Variants in SGCA observed in about 807,000 individuals in gnomAD.
SGCA encodes the protein alpha-sarcoglycan.
A neutral mutation model predicts 38.1 loss-of-function variants in SGCA; 34 were observed. The ratio of observed to expected loss-of-function variants is 0.89; its 90% CI spans 0.68 to 1.19. SGCA has a LOEUF of 1.19. SGCA is among the 50% of genes most tolerant of loss of function. The probability of loss-of-function intolerance (pLI) is 0.00; values close to 1 mark genes in which losing one functional copy is unlikely to be tolerated. For missense variants in SGCA, 476 were observed against 524.9 expected, an observed-to-expected ratio of 0.91 and a Z score of 0.91; for synonymous variants, 209 against 214.6, an observed-to-expected ratio of 0.97 and a Z score of 0.23.
At chr17:50,172,320 T>C (rs1477467072) in intron 8 of SGCA, 2 of 453,280 alleles carry the variant, frequency 4.4e-6, no homozygotes, top group South Asian at 3.1e-5. Flanking sequence ...AGTGGCCCCA[T>C]TGTTTCCTCC....
Position 50,166,231 on chromosome 17 carries a change from TG to T in SGCA, c.37+158del, listed in dbSNP as rs1395510155. On this transcript the variant is annotated intron_variant, in intron 1 of 9. Transcript: ENST00000262018. ...TTGGGGTGTTAATGCCATGGCCAGC[TG>T]GGGATCCAGGGAATGGGGCTGGGAG... The T allele has an allele frequency of 5.7e-6, 4 of 696,830 alleles. No homozygotes were observed. In the African/African-American group the frequency reaches 7.0e-5, roughly 12 times the overall value. The allele number at this position is 696,830 out of a possible 1,614,324, so 43.2% of individuals were successfully genotyped here. A position where few individuals can be genotyped will look rare whatever the true frequency, so the allele number is the denominator to read the frequency against.
chr17:50,171,772 A>G (rs1025625181), intron 8 of SGCA: 13 of 456,624 alleles, frequency 2.8e-5, no homozygotes, highest in Non-Finnish European at 5.7e-5. Flanking sequence ...AGTGATAGGC[A>G]TTTCGGGCCA....
chr17:50,169,626 C>T, intron 6 of SGCA: 1 of 333,818 alleles, frequency 3.0e-6, no homozygotes, highest in Non-Finnish European at 5.6e-6. Context: ...CTGTAAGGTG[C>T]CACCTAGCAA....
intron 6 of SGCA, chr17:50,169,591 C>T (rs1905213455): frequency 5.4e-6 from 2 of 367,968 alleles, no homozygotes; most frequent in Non-Finnish European, 1.0e-5. Context: ...CCAAGGGCCT[C>T]TGCGTGACAG....
chr17:50,171,370 T>C, intron 8 of SGCA: 1 of 375,850 alleles, frequency 2.7e-6, no homozygotes, highest in South Asian at 2.0e-5. Flanking sequence ...CCCTCCTATG[T>C]GCCCCCAGCC....
In SGCA at chr17:50,175,370, A is replaced by G; in HGVS notation, c.1097A>G (p.His366Arg). ...PLSTLPMFNVHTGERLPPRVD... is the reference protein window; with the variant it reads ...PLSTLPMFNVRTGERLPPRVD... ...TCCACCCTGCCCATGTTCAATGTGCACACAGGTGAGCGGCTGCCTCCCCGC... is the reference window on the plus strand; with the variant it reads ...TCCACCCTGCCCATGTTCAATGTGCGCACAGGTGAGCGGCTGCCTCCCCGC... Residue 366 changes from histidine (H) to arginine (R), a missense_variant, in exon 9 of 10, where the codon CAC becomes CGC. His to Arg is a conservative substitution (Grantham distance 29, BLOSUM62 0). Coordinates refer to ENST00000262018, the MANE Select transcript of SGCA (RefSeq NM_000023.4). 1.9e-6 allele frequency: 3 copies of G among 1,612,988 alleles called. No individual in the cohort carries two copies. Among genetic ancestry groups the G allele is most frequent in the Non-Finnish European group, 2.5e-6 (3 of 1,179,972 alleles).
At chr17:50,170,005 T>C in intron 6 of SGCA, 138 bp from the exon 7 acceptor site, 1 of 734,444 alleles carries the variant, frequency 1.4e-6, no homozygotes, top group Admixed American at 2.0e-5. Flanking sequence ...ACCCTAGAGC[T>C]GTGCGCTAAC....
rs1905015392 is a variant in SGCA at position 50,167,586 on chromosome 17, C to T, written c.162C>T (p.Val54=). 1.2e-6 allele frequency: 2 copies of T among 1,613,460 alleles called. No homozygotes were observed. Among genetic ancestry groups the T allele is most frequent in the South Asian group, 1.1e-5 (1 of 91,080 alleles). The stretch of plus-strand genomic sequence containing the variant: ...CCCTCTCCTCGCTTCCACCAGCTGT[C>T]CCACCCGCTGTCCACATCACCTACC... The part of the protein sequence containing the change: ...TFLSLPEHVA[V]PPAVHITYHA... Residue 54 remains valine (V), a synonymous_variant, in exon 3 of 10, where the codon GTC becomes GTT. Coordinates refer to ENST00000262018, the MANE Select transcript of SGCA (RefSeq NM_000023.4). This position sits in a 1 kb window ranked among gnomAD's most constrained non-coding sequence, Gnocchi z 4.5.
chr17:50,167,570 C>G lies in SGCA; in HGVS notation c.158-12C>G, dbSNP rs377120535. On this transcript the variant is annotated splice_polypyrimidine_tract_variant and intron_variant, in intron 2 of 9. Transcript: ENST00000262018. This position sits in a 1 kb window ranked among gnomAD's most constrained non-coding sequence, Gnocchi z 4.5. ...TGCTGTGACTCGAATCCCCTCTCCT[C>G]GCTTCCACCAGCTGTCCCACCCGCT... is the stretch of plus-strand genomic sequence containing the variant. The G allele has an allele frequency of 3.7e-6, 6 of 1,613,566 alleles. No homozygotes were observed. Among genetic ancestry groups the G allele is most frequent in the East Asian group, 2.2e-5 (1 of 44,882 alleles).
At chr17:50,174,145 A>T (rs2696290) in intron 8 of SGCA, among the ~76,000 whole-genome samples, 7 of 151,914 alleles carry the variant, frequency 4.6e-5, no homozygotes. Context: ...ATAGTAAGAC[A>T]CCTGTCTCTA....
chr17:50,175,674 A>C, intron 9 of SGCA, 38 bp from the exon 10 acceptor site: 1 of 678,834 alleles, frequency 1.5e-6, no homozygotes, highest in Non-Finnish European at 2.7e-6. Flanking sequence ...GAGAACCAGC[A>C]TCTGGCCCTC....
In SGCA at chr17:50,167,517, C is replaced by T. The variant is rs199804045; in HGVS notation, c.157+30C>T. On this transcript the variant is annotated intron_variant, in intron 2 of 9. Transcript: ENST00000262018. This position sits in a 1 kb window ranked among gnomAD's most constrained non-coding sequence, Gnocchi z 4.5. ...GCGGCCTGACAGGCACCCAGGCGGG[C>T]GGGCTGGGGTGTACCCCGCAGGGCT... The T allele has an allele frequency of 6.2e-6, 10 of 1,613,990 alleles. No homozygotes were observed. The highest frequency in any genetic ancestry group is 4.0e-5 in the African/African-American group (3 of 74,922).
At chr17:50,168,832 TA>T (rs895211311) in intron 5 of SGCA, among the ~76,000 whole-genome samples, 6 of 152,016 alleles carry the variant, frequency 3.9e-5, no homozygotes, top group Admixed American at 3.9e-4. Flanking sequence ...AGACATTCCT[TA>T]GTAGGGAGGG....
Position 50,171,335 on chromosome 17 carries a change from T to C in SGCA, c.983+669T>C, listed in dbSNP as rs1009955576. The C allele has an allele frequency of 4.2e-4, 149 of 357,106 alleles. 2 individuals carry two copies. The Admixed American group carries it at 5.6e-3, about 13-fold the overall frequency. 22.1% of individuals were successfully genotyped at this position (357,106 alleles called of 1,614,324 possible). ...AAATCCTTCCTCTCTTATTTTGGCCTGGTTTCCCCTACTCATGGCCTTACC... is the reference window on the plus strand; with the variant it reads ...AAATCCTTCCTCTCTTATTTTGGCCCGGTTTCCCCTACTCATGGCCTTACC... On this transcript the variant is annotated intron_variant, in intron 8 of 9. Coordinates refer to ENST00000262018, the MANE Select transcript of SGCA (RefSeq NM_000023.4).
rs776214016 is a variant in SGCA at position 50,168,531 on chromosome 17, T to A, written c.543T>A (p.Arg181=). The A allele has an allele frequency of 5.1e-6, 8 of 1,576,090 alleles. No homozygotes were observed. In the South Asian group the frequency reaches 5.8e-5, roughly 11 times the overall value. Residue 181 remains arginine (R), a synonymous_variant, in exon 5 of 10, where the codon CGT becomes CGA. Transcript: ENST00000262018. ...TCAACGTCACCTCTGCCTTGGACCG[T>A]GGGGGCCGTGTCCCCCTTCCCATTG... The part of the protein sequence containing the change: ...QLLNVTSALD[R]GGRVPLPIEG...
Position 50,171,348 on chromosome 17 carries a change from T to A in SGCA, c.983+682T>A, listed in dbSNP as rs556486999. The A allele has an allele frequency of 2.9e-3, 1,048 of 366,224 alleles. 1 individual carries two copies. Among genetic ancestry groups the A allele is most frequent in the Middle Eastern group, 4.2e-3 (11 of 2,636 alleles). 22.7% of individuals were successfully genotyped at this position (366,224 alleles called of 1,614,324 possible). A position where few individuals can be genotyped will look rare whatever the true frequency, so the allele number is the denominator to read the frequency against. On this transcript the variant is annotated intron_variant, in intron 8 of 9. Transcript: ENST00000262018. ...CTTATTTTGGCCTGGTTTCCCCTACTCATGGCCTTACCCCTCCTATGTGCC... is the reference window on the plus strand; with the variant it reads ...CTTATTTTGGCCTGGTTTCCCCTACACATGGCCTTACCCCTCCTATGTGCC...
At position 50,175,351 on chromosome 17, in the gene SGCA, C is replaced by T; in HGVS notation, c.1078C>T (p.Leu360=). ...SREVPRPLST[L]PMFNVHTGER... ...CGAGGTGCCCCGGCCACTCTCCACC[C>T]TGCCCATGTTCAATGTGCACACAGG... is the stretch of plus-strand genomic sequence containing the variant. The change falls in exon 9 of 10, where the codon CTG becomes TTG. Residue 360 remains leucine (L), a synonymous_variant. Coordinates refer to ENST00000262018, the MANE Select transcript of SGCA (RefSeq NM_000023.4). 1 of 1,612,582 alleles carries T rather than the reference C, an allele frequency of 6.2e-7. No homozygotes were observed. The highest frequency in any genetic ancestry group is 1.1e-5 in the South Asian group (1 of 90,886).
intron 8 of SGCA, chr17:50,171,484 A>G (rs1366212397): frequency 2.2e-6 from 1 of 456,464 alleles, no homozygotes; most frequent in South Asian, 1.5e-5. Context: ...CGGTCTTGGC[A>G]CCCCTGACTG....
rs1420627839 is a variant in SGCA, at chr17:50,168,437, C to T, written c.449C>T (p.Pro150Leu). 1.3e-6 allele frequency: 2 copies of T among 1,590,404 alleles called. No individual in the cohort carries two copies. The highest frequency in any genetic ancestry group is 2.3e-5 in the East Asian group (1 of 43,944). Residue 150 changes from proline to leucine, a missense_variant, in exon 5 of 10, where the codon CCC becomes CTC. Transcript: ENST00000262018. ...AGCCACGATGCGGAGGAGGTGCTGC[C>T]CTCAACACCTGCCAGCCGCTTCCTC... ...VRSHDAEEVL[P>L]STPASRFLSA... is the part of the protein sequence containing the mutation.
Sources: allele counts gnomAD v4.1 joint callset (sites outside exome capture counted in the v4.1 genomes callset), GRCh38; gene constraint gnomAD v4.1.1; non-coding constraint Gnocchi (gnomAD v3.1); transcripts MANE v1.5; gene names NCBI Gene and HGNC (gene_info 2026-07-23, HGNC 2026-07-21).